Variants in IGFL2 observed in about 807,000 individuals in gnomAD.
IGFL2 encodes insulin growth factor-like family member 2.
Under a neutral mutation model 13.9 loss-of-function variants are expected in IGFL2, and 7 were observed. The ratio of observed to expected loss-of-function variants is 0.51; its 90% CI spans 0.29 to 0.95. IGFL2 has a LOEUF of 0.95. Ranked by LOEUF, IGFL2 falls within the 40% of genes least tolerant of loss-of-function variation. The pLI is 0.08. For synonymous variants in IGFL2, 55 were observed against 55.8 expected, an observed-to-expected ratio of 0.99 and a Z score of 0.07; for missense variants, 138 against 147.8, an observed-to-expected ratio of 0.93 and a Z score of 0.34.
At position 46,160,736 on chromosome 19, in the gene IGFL2, T is replaced by A; in HGVS notation, c.196T>A (p.Cys66Ser). ...CGTGTCCCTGAGCGAGACCCGCCAA[T>A]GTGGTCCCCCCTGCACCTTCTGGCC... ...AIVSLSETRQ[C>S]GPPCTFWPCF... is the part of the protein sequence containing the mutation. Residue 66 changes from cysteine (C) to serine (S), a missense_variant, in exon 3 of 4, where the codon TGT becomes AGT. By Grantham distance (112) the Cys-to-Ser change is moderately radical. Coordinates refer to ENST00000377693, the MANE Select transcript of IGFL2 (RefSeq NM_001135113.2). The A allele has an allele frequency of 6.2e-7, 1 of 1,614,060 alleles. No individual in the cohort carries two copies. The highest frequency in any genetic ancestry group is 8.5e-7 in the Non-Finnish European group (1 of 1,179,992).
intron 1 of IGFL2, among the ~76,000 whole-genome samples, chr19:46,151,968 G>T (rs1171023810): frequency 6.6e-6 from 1 of 152,196 alleles, no homozygotes; most frequent in Non-Finnish European, 1.5e-5. Flanking sequence ...GGGATTTTTG[G>T]CACCTGAACA....
At chr19:46,191,146 G>A in the IGFL2 span, among the ~76,000 whole-genome samples, 1 of 151,902 alleles carries the variant, frequency 6.6e-6, no homozygotes, top group East Asian at 1.9e-4. Context: ...TAACAAAAAA[G>A]TTATTAAATA....
At chr19:46,083,744 A>T in the IGFL2 span, among the ~76,000 whole-genome samples, 1 of 152,218 alleles carries the variant, frequency 6.6e-6, no homozygotes, top group African/African-American at 2.4e-5. Context: ...GACCTTAGCC[A>T]CAGAAAGTTG....
chr19:46,098,865 T>C, the IGFL2 span, among the ~76,000 whole-genome samples: 1 of 152,218 alleles, frequency 6.6e-6, no homozygotes, highest in Non-Finnish European at 1.5e-5. Context: ...CCTGTCATCA[T>C]GATGCTAGCT....
chr19:46,090,846 T>G, the IGFL2 span, among the ~76,000 whole-genome samples: 2 of 152,168 alleles, frequency 1.3e-5, no homozygotes, highest in Non-Finnish European at 2.9e-5. Flanking sequence ...GGTACTGATA[T>G]GGGTTGAGCG....
the IGFL2 span, chr19:46,120,353 T>G: frequency 1.2e-6 from 2 of 1,611,220 alleles, no homozygotes; most frequent in Admixed American, 3.4e-5. Context: ...ACGTGCCTCC[T>G]GTTCCTATCA....
At chr19:46,086,183 A>C in the IGFL2 span, among the ~76,000 whole-genome samples, 1 of 152,168 alleles carries the variant, frequency 6.6e-6, no homozygotes, top group African/African-American at 2.4e-5. Context: ...AATGATACCT[A>C]TCTCTTTGGT....
the IGFL2 span, among the ~76,000 whole-genome samples, chr19:46,085,440 G>A: frequency 0.013 from 2,051 of 152,130 alleles, 32 homozygotes; most frequent in Middle Eastern, 0.027. Flanking sequence ...GTTTTGTCTA[G>A]AATAAGAATA....
At chr19:46,206,250 GC>G in the IGFL2 span, among the ~76,000 whole-genome samples, 4 of 152,144 alleles carry the variant, frequency 2.6e-5, no homozygotes, top group Non-Finnish European at 5.9e-5. Context: ...TGACTCAGCT[GC>G]CCTGACAGAT....
At chr19:46,143,402 CTT>C (rs528215005), upstream of IGFL2, among the ~76,000 whole-genome samples, 47 of 139,216 alleles carry the variant, frequency 3.4e-4, no homozygotes, top group Non-Finnish European at 3.8e-4. Context: ...TCTTCTTCTT[CTT>C]TTTTTTTTTT....
intron 1 of IGFL2, among the ~76,000 whole-genome samples, chr19:46,151,030 C>G (rs1393815460): frequency 6.6e-6 from 1 of 152,174 alleles, no homozygotes; most frequent in Non-Finnish European, 1.5e-5. Flanking sequence ...CCTATCTTTC[C>G]TGTCTAACTG....
chr19:46,211,545 A>C, the IGFL2 span: 1 of 152,012 alleles, frequency 6.6e-6, no homozygotes, highest in Non-Finnish European at 1.5e-5. Context: ...GCAGTGGGGG[A>C]GCTGCTGACA....
chr19:46,185,851 C>T, the IGFL2 span, among the ~76,000 whole-genome samples: 6 of 152,186 alleles, frequency 3.9e-5, no homozygotes, highest in South Asian at 2.1e-4. Flanking sequence ...CCTCGCACCC[C>T]GGCCTCCCAA....
At chr19:46,189,151 G>C in the IGFL2 span, 1 of 157,746 alleles carries the variant, frequency 6.3e-6, no homozygotes, top group Non-Finnish European at 1.4e-5. Context: ...AGGGTGAGCA[G>C]TGTGAGCCAT....
the IGFL2 span, among the ~76,000 whole-genome samples, chr19:46,168,315 G>A: frequency 6.6e-6 from 1 of 152,184 alleles, no homozygotes; most frequent in Non-Finnish European, 1.5e-5. Context: ...TTTTGAGTTT[G>A]GACAGGCAGT....
downstream of IGFL2, among the ~76,000 whole-genome samples, chr19:46,164,861 G>C (rs1974324231): frequency 6.6e-6 from 1 of 152,184 alleles, no homozygotes; most frequent in Non-Finnish European, 1.5e-5. Context: ...AGGATGGGTG[G>C]TCAATGTAGA....
the IGFL2 span, chr19:46,208,092 C>T: frequency 6.6e-5 from 10 of 152,262 alleles, no homozygotes; most frequent in Non-Finnish European, 1.0e-4. Flanking sequence ...TACTTACAGA[C>T]AGGCAGCGAG....
At chr19:46,199,824 G>A in the IGFL2 span, among the ~76,000 whole-genome samples, 1 of 152,236 alleles carries the variant, frequency 6.6e-6, no homozygotes, top group African/African-American at 2.4e-5. Context: ...TAAGTCAGCA[G>A]CACTTAGGCA....
chr19:46,201,321 G>T, the IGFL2 span, among the ~76,000 whole-genome samples: 1 of 152,226 alleles, frequency 6.6e-6, no homozygotes, highest in Non-Finnish European at 1.5e-5. Flanking sequence ...GTTCTCCAAG[G>T]GCCCATAAAA....
Sources: gnomAD v4.1 joint callset for allele counts (sites outside exome capture counted in the v4.1 genomes callset) on GRCh38, gnomAD v4.1.1 for gene constraint, MANE v1.5 for transcripts, NCBI Gene and HGNC (gene_info 2026-07-23, HGNC 2026-07-21) for gene names.